Variants in NXN observed in about 807,000 individuals in gnomAD.
NXN encodes nucleoredoxin, also known as nucleoredoxin 1.
A neutral mutation model predicts 48.6 loss-of-function variants in NXN; 16 were observed. The ratio of observed to expected loss-of-function variants is 0.33; its 90% CI spans 0.22 to 0.50. NXN has a LOEUF of 0.50. Among genes scored for constraint, NXN ranks in the 20% least tolerant of loss-of-function variants. The pLI is 0.98. For missense variants in NXN, 492 were observed against 605.5 expected, an observed-to-expected ratio of 0.81 and a Z score of 1.97; for synonymous variants, 281 against 269.6, an observed-to-expected ratio of 1.04 and a Z score of -0.41.
chr17:951,299 G>A (rs2069107754), intron 1 of NXN, among the ~76,000 whole-genome samples: 1 of 147,016 alleles, frequency 6.8e-6, no homozygotes, highest in Admixed American at 6.9e-5. Flanking sequence ...GCAGTGAGTT[G>A]AGATCACACC....
chr17:811,352 CAA>C (rs1033218307), intron 5 of NXN, among the ~76,000 whole-genome samples: 7 of 152,246 alleles, frequency 4.6e-5, no homozygotes, highest in Non-Finnish European at 8.8e-5. Context: ...AACCTCCCTG[CAA>C]AGAGTGCCGT....
At position 889,699 on chromosome 17, in the gene NXN, A is replaced by AAAAGAAAGAAAG. The variant is rs201931057; in HGVS notation, c.361-63633_361-63622dup. On this transcript the variant is annotated intron_variant, in intron 1 of 7. Coordinates refer to ENST00000336868, the MANE Select transcript of NXN (RefSeq NM_022463.5). The stretch of plus-strand genomic sequence containing the variant: ...AAGAAAAGAAAAGAAGAAAGAAAGA[A>AAAAGAAAGAAAG]AAAGAAAGAAAGAAAGAAAGAAAGA... Among the ~76,000 whole-genome samples the AAAAGAAAGAAAG allele has an allele frequency of 4.7e-5, 6 of 126,672 alleles. No individual in the cohort carries two copies. In the East Asian group the frequency reaches 1.2e-3, roughly 24 times the overall value. The allele number at this position is 126,672 out of a possible 152,430, so 83.1% of individuals were successfully genotyped here. A position where few individuals can be genotyped will look rare whatever the true frequency, so the allele number is the denominator to read the frequency against.
At chr17:811,978 A>C (rs1238335136) in intron 5 of NXN, among the ~76,000 whole-genome samples, 2 of 118,360 alleles carry the variant, frequency 1.7e-5, no homozygotes, top group Admixed American at 2.5e-4. Flanking sequence ...CCCAGGCTGG[A>C]GTGCAGTGGC....
Position 826,211 on chromosome 17 carries a change from C to T in NXN, c.361-133G>A, listed in dbSNP as rs186007524. 9.9e-5 allele frequency: 73 copies of T among 736,784 alleles called. No homozygotes were observed. In the African/African-American group the frequency reaches 1.2e-3, roughly 12 times the overall value. The allele number at this position is 736,784 out of a possible 1,614,324, so 45.6% of individuals were successfully genotyped here. ...GCACACAGAAAAGAATAATGGATGC[C>T]AAGCAGGGCTGCTGGGCAAAGGGGC... is the stretch of plus-strand genomic sequence containing the variant. On this transcript the variant is annotated intron_variant, in intron 1 of 7. Transcript: ENST00000336868.
At chr17:823,885 C>T (rs547225263) in intron 2 of NXN, 120 bp from the exon 3 acceptor site, 27 of 930,554 alleles carry the variant, frequency 2.9e-5, no homozygotes, top group African/African-American at 2.5e-4. Flanking sequence ...GACCTCAGAG[C>T]GGCAGGCGTG....
At chr17:865,952 C>T (rs1287732489) in intron 1 of NXN, among the ~76,000 whole-genome samples, 3 of 151,786 alleles carry the variant, frequency 2.0e-5, no homozygotes, top group Admixed American at 6.6e-5. Flanking sequence ...CATTGCACTC[C>T]AGCCTGGGCG....
intron 1 of NXN, chr17:909,883 G>C (rs978124141): frequency 1.3e-5 from 2 of 152,144 alleles, no homozygotes; most frequent in African/African-American, 4.8e-5. Context: ...CTCTGAAGTG[G>C]ACTAACGGAA....
chr17:825,228 A>G lies in NXN; in HGVS notation c.478+733T>C, dbSNP rs868231994. ...GGAGATAGTGTCTCAAGAGAAAAAA[A>G]AAAAAAAAAAAGAAAAGCTTCACGC... On this transcript the variant is annotated intron_variant, in intron 2 of 7. Coordinates refer to ENST00000336868, the MANE Select transcript of NXN (RefSeq NM_022463.5). The surrounding 1 kb of genome is among the most constrained non-coding windows in gnomAD (Gnocchi z 4.1). 3.3e-5 allele frequency among the ~76,000 whole-genome samples: 5 copies of G among 152,004 alleles called. No individual in the cohort carries two copies. The highest frequency in any genetic ancestry group is 2.1e-4 in the South Asian group (1 of 4,804).
At position 979,479 on chromosome 17, in the gene NXN, C is replaced by A; in HGVS notation, c.200G>T (p.Gly67Val). The A allele has an allele frequency of 8.4e-7, 1 of 1,193,722 alleles. No individual in the cohort carries two copies. The highest frequency in any genetic ancestry group is 1.0e-6 in the Non-Finnish European group (1 of 962,528). The allele number at this position is 1,193,722 out of a possible 1,614,324, so 73.9% of individuals were successfully genotyped here. A position where few individuals can be genotyped will look rare whatever the true frequency, so the allele number is the denominator to read the frequency against. The change falls in exon 1 of 8, where the codon GGG (glycine) becomes GTG (valine). Residue 67 changes from glycine to valine, a missense_variant. Transcript: ENST00000336868. ...CCCGGCCCCCGCTCCCGGCCCCGGC[C>A]CGGCCGCCGCGTCCCCCCGCAGGCG... ...YGRLRGDAAA[G>V]PGPGAGAGAA...
chr17:823,530 T>G, intron 3 of NXN, 102 bp downstream of exon 3: 1 of 1,391,388 alleles, frequency 7.2e-7, no homozygotes, highest in East Asian at 2.3e-5. Flanking sequence ...GGCCGGGAAA[T>G]TCCTGCCTGG....
At chr17:813,822 T>A (rs574253389) in intron 5 of NXN, among the ~76,000 whole-genome samples, 2 of 151,762 alleles carry the variant, frequency 1.3e-5, no homozygotes, top group Admixed American at 6.6e-5. Flanking sequence ...AAAAATTAGC[T>A]GGGCGTAGTG....
At chr17:881,360 C>T (rs965194775) in intron 1 of NXN, among the ~76,000 whole-genome samples, 1 of 152,094 alleles carries the variant, frequency 6.6e-6, no homozygotes, top group African/African-American at 2.4e-5. Flanking sequence ...TCCAGCTTCC[C>T]GGGTAGCTGG....
intron 1 of NXN, chr17:896,856 C>CCGGGGGGGGGGGGGGG: frequency 1.7e-6 from 2 of 1,156,930 alleles, no homozygotes; most frequent in Non-Finnish European, 2.2e-6. Context: ...CGGTCCTGAC[C>CCGGGGGGGGGGGGGGG]ACCCGCCCCC....
intron 1 of NXN, among the ~76,000 whole-genome samples, chr17:873,965 G>A (rs948368492): frequency 1.3e-5 from 2 of 152,130 alleles, no homozygotes; most frequent in Middle Eastern, 3.4e-3. Flanking sequence ...CATCTGAGCC[G>A]CCCACTCCTG....
intron 1 of NXN, among the ~76,000 whole-genome samples, chr17:899,881 C>A (rs868371670): frequency 2.6e-5 from 4 of 152,014 alleles, no homozygotes; most frequent in African/African-American, 7.2e-5. Flanking sequence ...CAGAGTGAGA[C>A]CCTGTCTCTA....
At chr17:833,602 A>AGCAGAGAAAAAGCTATGGG (rs1913618554) in intron 1 of NXN, among the ~76,000 whole-genome samples, 1 of 152,040 alleles carries the variant, frequency 6.6e-6, no homozygotes, top group African/African-American at 2.4e-5. Flanking sequence ...AAAGCTATGG[A>AGCAGAGAAAAAGCTATGGG]TCTTTCAGCA....
rs541094677 is a variant in NXN at position 843,055 on chromosome 17, A to AGAAG, written c.361-16981_361-16978dup. On this transcript the variant is annotated intron_variant, in intron 1 of 7. Coordinates refer to ENST00000336868, the MANE Select transcript of NXN (RefSeq NM_022463.5). ...AAGAAAGAAAGAAAGAAAGAAAGAA[A>AGAAG]GAAGGAAGAAAGCAAGCAAGCAAGC... Among the ~76,000 whole-genome samples, 58 of 116,418 alleles carry AGAAG rather than the reference A, an allele frequency of 5.0e-4. No individual in the cohort carries two copies. In the South Asian group the frequency reaches 5.3e-3, roughly 11 times the overall value. 76.4% of individuals were successfully genotyped at this position (116,418 alleles called of 152,430 possible).
At chr17:840,782 T>A (rs1383889525) in intron 1 of NXN, among the ~76,000 whole-genome samples, 1 of 152,174 alleles carries the variant, frequency 6.6e-6, no homozygotes, top group Non-Finnish European at 1.5e-5. Flanking sequence ...GAGAGATGTG[T>A]GTCCATGGCA....
At chr17:896,446 A>G (rs2068487211) in intron 1 of NXN, among the ~76,000 whole-genome samples, 1 of 151,628 alleles carries the variant, frequency 6.6e-6, no homozygotes, top group African/African-American at 2.4e-5. Flanking sequence ...GTTTGAGATT[A>G]CAGTGAGCTG....
Sources: allele counts gnomAD v4.1 joint callset (sites outside exome capture counted in the v4.1 genomes callset), GRCh38; gene constraint gnomAD v4.1.1; non-coding constraint Gnocchi (gnomAD v3.1); transcripts MANE v1.5; gene names NCBI Gene and HGNC (gene_info 2026-07-23, HGNC 2026-07-21).